Variants in CEP112 observed in about 807,000 individuals in gnomAD.
CEP112 encodes the protein centrosomal protein 112, also known as centrosomal protein of 112 kDa.
A neutral mutation model predicts 153.0 loss-of-function variants in CEP112; 127 were observed. The observed-to-expected ratio is 0.83, with a 90% CI of 0.72 to 0.96. The LOEUF is 0.96. Ranked by LOEUF, CEP112 falls within the 40% of genes least tolerant of loss-of-function variation. CEP112 has a pLI of 0.00. For missense variants in CEP112, 1,089 were observed against 1,101.2 expected (o/e 0.99, Z 0.16); for synonymous variants, 358 against 374.4 (o/e 0.96, Z 0.51).
chr17:65,720,377 T>C (rs1363500256), intron 23 of CEP112, among the ~76,000 whole-genome samples: 1 of 152,108 alleles, frequency 6.6e-6, no homozygotes, highest in Non-Finnish European at 1.5e-5. Context: ...TTGCAGAGCC[T>C]AGTAAGAAAA....
At chr17:65,989,216 C>G (rs903634587) in intron 17 of CEP112, among the ~76,000 whole-genome samples, 6 of 132,860 alleles carry the variant, frequency 4.5e-5, no homozygotes, top group African/African-American at 1.7e-4. Flanking sequence ...GCCTGGGAGA[C>G]AGAGTGAGAC....
At chr17:65,698,545 G>A (rs1404221903) in intron 23 of CEP112, among the ~76,000 whole-genome samples, 1 of 152,132 alleles carries the variant, frequency 6.6e-6, no homozygotes, top group East Asian at 1.9e-4. Context: ...ATCTAAGGAA[G>A]CCGGAATCTC....
chr17:66,075,728 G>C (rs913893730), intron 8 of CEP112, among the ~76,000 whole-genome samples: 1 of 152,126 alleles, frequency 6.6e-6, no homozygotes, highest in Non-Finnish European at 1.5e-5. Context: ...GCTCCAACTC[G>C]GACAGACAGA....
chr17:65,751,053 G>A (rs1021728173), intron 21 of CEP112: 37 of 223,308 alleles, frequency 1.7e-4, no homozygotes, highest in Middle Eastern at 1.4e-3. Context: ...GAAACAAGAG[G>A]GGCAAGGAAA....
intron 4 of CEP112, among the ~76,000 whole-genome samples, chr17:66,154,343 C>T (rs2071341906): frequency 6.6e-6 from 1 of 151,198 alleles, no homozygotes; most frequent in Non-Finnish European, 1.5e-5. Flanking sequence ...GGTGAAACCC[C>T]GTCTCTACTA....
chr17:66,093,642 T>A (rs763181615), intron 8 of CEP112, among the ~76,000 whole-genome samples: 1 of 148,398 alleles, frequency 6.7e-6, no homozygotes, highest in Non-Finnish European at 1.5e-5. Flanking sequence ...ACCAGTATAA[T>A]GAAAACTGTA....
chr17:65,665,466 G>T (rs753953050), intron 24 of CEP112, among the ~76,000 whole-genome samples: 1 of 152,180 alleles, frequency 6.6e-6, no homozygotes, highest in Non-Finnish European at 1.5e-5. Flanking sequence ...TAGAATTAGA[G>T]CACAGGGCAG....
At chr17:65,918,298 T>A (rs76135382) in intron 19 of CEP112, among the ~76,000 whole-genome samples, 1 of 152,352 alleles carries the variant, frequency 6.6e-6, no homozygotes, top group East Asian at 1.9e-4. Flanking sequence ...ACGTGCTATC[T>A]GCTTTTTAAA....
rs145699946 is a variant in CEP112 at position 65,970,120 on chromosome 17, G to A, written c.1737-8522C>T. Among the ~76,000 whole-genome samples the A allele has an allele frequency of 3.2e-3, 491 of 152,234 alleles. 2 individuals are homozygous for A. The highest frequency in any genetic ancestry group is 6.2e-3 in the African/African-American group (256 of 41,552). ...CATGTATGCATAGCACATGCATATC[G>A]CATGTATATTGCATTTATGTATTTT... On this transcript the variant is annotated intron_variant, in intron 17 of 26. Coordinates refer to ENST00000535342, the MANE Select transcript of CEP112 (RefSeq NM_001199165.4).
At chr17:65,695,961 G>A (rs907956337) in intron 23 of CEP112, among the ~76,000 whole-genome samples, 3 of 152,112 alleles carry the variant, frequency 2.0e-5, no homozygotes, top group African/African-American at 7.2e-5. Flanking sequence ...CTACTTTCCC[G>A]TCTTTATCAA....
intron 4 of CEP112, among the ~76,000 whole-genome samples, chr17:66,148,693 TG>T (rs1293344603): frequency 6.6e-6 from 1 of 152,216 alleles, no homozygotes; most frequent in Admixed American, 6.5e-5. Flanking sequence ...ATTAATTTTT[TG>T]CACTGATTTT....
chr17:66,022,785 A>G (rs1312990984), intron 16 of CEP112, among the ~76,000 whole-genome samples: 2 of 151,948 alleles, frequency 1.3e-5, no homozygotes, highest in Non-Finnish European at 2.9e-5. Context: ...ATGAGATAAA[A>G]GATATTCTGA....
Position 66,175,086 on chromosome 17 carries a change from C to T in CEP112, c.428G>A (p.Gly143Glu). The T allele has an allele frequency of 6.2e-7, 1 of 1,612,756 alleles. No homozygotes were observed. Among genetic ancestry groups the T allele is most frequent in the Non-Finnish European group, 8.5e-7 (1 of 1,179,372 alleles). ...KLNESWKLSS[G>E]EDNTLVQSPT... ...CGACTGTACTAAAGTGTTATCTTCTCCAGAAGAGAGTTTCCATGATTCATT... is the reference window on the plus strand; with the variant it reads ...CGACTGTACTAAAGTGTTATCTTCTTCAGAAGAGAGTTTCCATGATTCATT... The change falls in exon 4 of 27, where the codon GGA (glycine) becomes GAA (glutamate). Residue 143 changes from glycine to glutamate, a missense_variant. By Grantham distance (98) the Gly-to-Glu change is moderately conservative. Coordinates refer to ENST00000535342, the MANE Select transcript of CEP112 (RefSeq NM_001199165.4).
At chr17:65,672,661 A>G (rs752443742) in intron 24 of CEP112, among the ~76,000 whole-genome samples, 2 of 152,204 alleles carry the variant, frequency 1.3e-5, no homozygotes, top group Non-Finnish European at 2.9e-5. Flanking sequence ...TTAACGTTCC[A>G]TAGCAAGTAA....
chr17:66,163,551 C>T (rs1440180065), intron 4 of CEP112, among the ~76,000 whole-genome samples: 1 of 151,668 alleles, frequency 6.6e-6, no homozygotes, highest in Non-Finnish European at 1.5e-5. Context: ...TCAAAAAGAA[C>T]TTTATTAGAA....
chr17:66,109,087 G>A (rs984686835), intron 6 of CEP112, among the ~76,000 whole-genome samples: 4 of 152,100 alleles, frequency 2.6e-5, no homozygotes, highest in Non-Finnish European at 5.9e-5. Context: ...TCTGCAGATC[G>A]ACAGTAGGAT....
At chr17:65,653,169 C>T (rs1567814250) in intron 24 of CEP112, among the ~76,000 whole-genome samples, 1 of 152,180 alleles carries the variant, frequency 6.6e-6, no homozygotes, top group Non-Finnish European at 1.5e-5. Context: ...GGAGGGGACA[C>T]AAACATTCAT....
chr17:66,031,018 T>C (rs1022036190), intron 12 of CEP112, among the ~76,000 whole-genome samples: 13 of 152,208 alleles, frequency 8.5e-5, no homozygotes, highest in African/African-American at 2.2e-4. Flanking sequence ...TTCCAATCTA[T>C]ATAAATGACT....
intron 17 of CEP112, among the ~76,000 whole-genome samples, chr17:66,001,357 G>C (rs2064040338): frequency 6.6e-6 from 1 of 152,154 alleles, no homozygotes; most frequent in Non-Finnish European, 1.5e-5. Context: ...ACCTTTGTCA[G>C]ATGCATAGCT....
Sources: allele counts gnomAD v4.1 joint callset (sites outside exome capture counted in the v4.1 genomes callset), GRCh38; gene constraint gnomAD v4.1.1; transcripts MANE v1.5; gene names NCBI Gene and HGNC (gene_info 2026-07-23, HGNC 2026-07-21).